CEP290: variants seen among roughly 807,000 people sequenced by gnomAD.
CEP290 encodes centrosomal protein of 290 kDa.
A neutral mutation model predicts 344.9 loss-of-function variants in CEP290; 317 were observed. The ratio of observed to expected loss-of-function variants is 0.92; its 90% CI spans 0.84 to 1.01. The LOEUF is 1.01. CEP290 is among the 50% of genes least tolerant of loss of function. CEP290 has a pLI of 0.00. For synonymous variants in CEP290, 932 were observed against 895.8 expected (o/e 1.04, Z -0.72); for missense variants, 2,754 against 2,761.4 (o/e 1.00, Z 0.06).
rs181659538 is a variant in CEP290 at position 88,051,143 on chromosome 12, A to G, written c.7130-710T>C. ...CCATTGAAAAATAATAAAATACTAA[A>G]AGTTTGCGAAAGTAAGGGGCAGCAA... On this transcript the variant is annotated intron_variant, in intron 52 of 53. Transcript: ENST00000552810. Among the ~76,000 whole-genome samples the G allele has an allele frequency of 2.1e-3, 324 of 152,094 alleles. 2 individuals carry two copies. The highest frequency in any genetic ancestry group is 4.0e-3 in the Non-Finnish European group (273 of 67,990).
chr12:88,110,517 C>T (rs987876090), intron 22 of CEP290, among the ~76,000 whole-genome samples: 2 of 151,958 alleles, frequency 1.3e-5, no homozygotes, highest in Non-Finnish European at 2.9e-5. Context: ...TTGAGACCAG[C>T]CTGGCCAATA....
rs2039658695 is a variant in CEP290, at chr12:88,125,235, T to C, written c.1189+11A>G. 1 of 723,140 alleles carries C rather than the reference T, an allele frequency of 1.4e-6. No homozygotes were observed. The highest frequency in any genetic ancestry group is 1.9e-5 in the African/African-American group (1 of 53,916). 44.8% of individuals were successfully genotyped at this position (723,140 alleles called of 1,614,324 possible). On this transcript the variant is annotated intron_variant, in intron 13 of 53. Transcript: ENST00000552810. ...ATTGTATATAAAATAACTATATATTTATAAAAATACCTTTGTTTCTTTGGA... is the reference window on the plus strand; with the variant it reads ...ATTGTATATAAAATAACTATATATTCATAAAAATACCTTTGTTTCTTTGGA...
intron 10 of CEP290, 146 bp from the exon 11 acceptor site, chr12:88,129,181 T>A: frequency 2.5e-6 from 1 of 402,646 alleles, no homozygotes; most frequent in Non-Finnish European, 4.3e-6. Context: ...TACATACGGA[T>A]ACATTACATT....
Position 88,129,736 on chromosome 12 carries a change from T to C in CEP290, c.810A>G (p.Val270=), listed in dbSNP as rs1463521363. ...CGTTTTCTTTTTTTAACTGATCTAT[T>C]ACATTATCTGTCTGATGCACAATAG... The part of the protein sequence containing the change: ...MKAIVHQTDN[V]IDQLKKENDH... Residue 270 remains valine (V), a synonymous_variant, in exon 10 of 54, where the codon GTA becomes GTG. Coordinates refer to ENST00000552810, the MANE Select transcript of CEP290 (RefSeq NM_025114.4). The C allele has an allele frequency of 6.8e-7, 1 of 1,475,944 alleles. No individual in the cohort carries two copies. Among genetic ancestry groups the C allele is most frequent in the East Asian group, 2.6e-5 (1 of 37,878 alleles). The allele number at this position is 1,475,944 out of a possible 1,614,324, so 91.4% of individuals were successfully genotyped here. A position where few individuals can be genotyped will look rare whatever the true frequency, so the allele number is the denominator to read the frequency against.
At position 88,139,529 on chromosome 12, in the gene CEP290, T is replaced by C. The variant is rs750607382; in HGVS notation, c.216A>G (p.Glu72=). 6.3e-7 allele frequency: 1 copy of C among 1,598,418 alleles called. No individual in the cohort carries two copies. The change falls in exon 4 of 54, where the codon GAA becomes GAG. Residue 72 remains glutamate (E), a synonymous_variant. Transcript: ENST00000552810. The stretch of plus-strand genomic sequence containing the variant: ...CTTGTTCTTCTCCAGCTTTTTCTAC[T>C]TCTTCCAAAGCCAGCTCCACTTCTT... ...KAQEVELALE[E]VEKAGEEQAK...
At chr12:88,098,973 A>G (rs2037672188) in intron 26 of CEP290, among the ~76,000 whole-genome samples, 1 of 152,202 alleles carries the variant, frequency 6.6e-6, no homozygotes, top group South Asian at 2.1e-4. Flanking sequence ...TGCCAAGACA[A>G]GGAACTGGAA....
chr12:88,081,005 A>G (rs1592821402), intron 37 of CEP290, among the ~76,000 whole-genome samples: 1 of 152,350 alleles, frequency 6.6e-6, no homozygotes. Flanking sequence ...CATTTTAAAT[A>G]TTATGGCTCT....
chr12:88,108,951 C>A (rs907237419), intron 23 of CEP290, 115 bp downstream of exon 23: 2 of 470,462 alleles, frequency 4.3e-6, no homozygotes, highest in Non-Finnish European at 3.8e-6. Context: ...AAAAAAAATA[C>A]AATTGCAAAG....
At chr12:88,106,940 C>G (rs1050038530) in intron 24 of CEP290, 35 bp from the exon 25 acceptor site, 2 of 1,561,664 alleles carry the variant, frequency 1.3e-6, no homozygotes, top group Admixed American at 3.7e-5. Context: ...CTTGTTGAAT[C>G]TAGCTATCCT....
rs957723845 is a variant in CEP290 at position 88,065,959 on chromosome 12, C to T, written c.6136-1844G>A. ...TCCAAACTCTTACAGAAGAATAATC[C>T]GGTTAAAAGCCATCAACTACTTAAA... On this transcript the variant is annotated intron_variant, in intron 44 of 53. Coordinates refer to ENST00000552810, the MANE Select transcript of CEP290 (RefSeq NM_025114.4). 7.2e-5 allele frequency among the ~76,000 whole-genome samples: 11 copies of T among 152,158 alleles called. No individual in the cohort carries two copies. The East Asian group carries it at 7.7e-4, about 11-fold the overall frequency.
chr12:88,118,715 T>A lies in CEP290; in HGVS notation c.1551A>T (p.Leu517Phe). The change falls in exon 16 of 54, where the codon TTA (leucine) becomes TTT (phenylalanine). Residue 517 changes from leucine to phenylalanine, a missense_variant. Physicochemically the swap from Leu to Phe is conservative, Grantham distance 22 (BLOSUM62 0). Coordinates refer to ENST00000552810, the MANE Select transcript of CEP290 (RefSeq NM_025114.4). The stretch of plus-strand genomic sequence containing the variant: ...AGTGTTTGCTATTTCTAAATTCAGT[T>A]AAATCAATCATTGTCTTTGGTTCAA... Reference protein sequence around the residue: ...VGLEPKTMIDLTEFRNSKHLK... With the variant: ...VGLEPKTMIDFTEFRNSKHLK... The A allele has an allele frequency of 6.2e-7, 1 of 1,612,620 alleles. No individual in the cohort carries two copies. The highest frequency in any genetic ancestry group is 8.5e-7 in the Non-Finnish European group (1 of 1,179,414).
intron 31 of CEP290, 26 bp from the exon 32 acceptor site, chr12:88,087,970 A>G: frequency 2.2e-6 from 2 of 912,190 alleles, no homozygotes; most frequent in Non-Finnish European, 2.9e-6. Context: ...TATATACACA[A>G]ATATAAATGC....
intron 3 of CEP290, among the ~76,000 whole-genome samples, chr12:88,140,431 C>T (rs1183625450): frequency 6.6e-6 from 1 of 152,182 alleles, no homozygotes; most frequent in Non-Finnish European, 1.5e-5. Flanking sequence ...AAAGTACTTA[C>T]CCAAGATTTG....
At chr12:88,118,958 G>A (rs2039241402) in intron 15 of CEP290, among the ~76,000 whole-genome samples, 1 of 152,156 alleles carries the variant, frequency 6.6e-6, no homozygotes, top group South Asian at 2.1e-4. Context: ...AAACCTAAAT[G>A]AAATTATAAA....
At chr12:88,118,323 C>T (rs2039187440) in intron 17 of CEP290, among the ~76,000 whole-genome samples, 160 bp downstream of exon 17, 1 of 152,060 alleles carries the variant, frequency 6.6e-6, no homozygotes, top group South Asian at 2.1e-4. Flanking sequence ...ACTGAACCCA[C>T]TGACACTCAC....
In CEP290 at chr12:88,090,841, T is replaced by C. The variant is rs1223217246; in HGVS notation, c.3462-2A>G. The stretch of plus-strand genomic sequence containing the variant: ...GCAATATCAGAAATCTCTCTCAGTC[T>C]AGGAAATGATAAGGTATTTCAGGAA... On this transcript the variant is annotated splice_acceptor_variant, in intron 29 of 53. Transcript: ENST00000552810. LOFTEE classifies it high-confidence loss of function. 6.6e-7 allele frequency: 1 copy of C among 1,521,056 alleles called. No individual in the cohort carries two copies. The highest frequency in any genetic ancestry group is 2.4e-5 in the East Asian group (1 of 41,444). 94.2% of individuals were successfully genotyped at this position (1,521,056 alleles called of 1,614,324 possible).
chr12:88,074,382 T>C (rs946356673), intron 41 of CEP290, among the ~76,000 whole-genome samples: 3 of 152,196 alleles, frequency 2.0e-5, no homozygotes, highest in Admixed American at 2.0e-4. Flanking sequence ...CAGTACTTTG[T>C]TGGGTTTGGG....
chr12:88,049,662 C>G, intron 53 of CEP290: 1 of 319,942 alleles, frequency 3.1e-6, no homozygotes, highest in Non-Finnish European at 5.6e-6. Flanking sequence ...TTTATCATCT[C>G]TTATAATGGG....
rs1369169668 is a variant in CEP290, at chr12:88,055,557, G to T, written c.6960+19C>A. On this transcript the variant is annotated intron_variant, in intron 50 of 53. Transcript: ENST00000552810. ...ATTATGCATTATTTTATCATGTAAA[G>T]AAAAATTACGTTACTTACCTGTTGT... 1 of 1,548,990 alleles carries T rather than the reference G, an allele frequency of 6.5e-7. No homozygotes were observed. The highest frequency in any genetic ancestry group is 2.1e-5 in the Admixed American group (1 of 48,452).
Sources: allele counts gnomAD v4.1 joint callset (sites outside exome capture counted in the v4.1 genomes callset), GRCh38; gene constraint gnomAD v4.1.1; transcripts MANE v1.5; gene names NCBI Gene and HGNC (gene_info 2026-07-23, HGNC 2026-07-21).